The following PABPC4L variants were observed in gnomAD, a reference collection of about 807,000 sequenced individuals.
PABPC4L encodes the protein polyadenylate-binding protein 4-like.
For synonymous variants in PABPC4L, 169 were observed against 164.1 expected (o/e 1.03, Z -0.23); for missense variants, 452 against 451.4 (o/e 1.00, Z -0.01).
the PABPC4L span, among the ~76,000 whole-genome samples, chr4:133,970,057 T>G: frequency 6.9e-6 from 1 of 144,750 alleles, no homozygotes. Context: ...TTATTTAAAA[T>G]ATTTAAAATA....
the PABPC4L span, among the ~76,000 whole-genome samples, chr4:134,058,250 G>C: frequency 6.6e-6 from 1 of 151,922 alleles, no homozygotes; most frequent in Admixed American, 6.6e-5. Flanking sequence ...AATAAATTGA[G>C]AAGAAGAGTA....
chr4:134,098,150 G>A, the PABPC4L span, among the ~76,000 whole-genome samples: 1 of 151,794 alleles, frequency 6.6e-6, no homozygotes, highest in Non-Finnish European at 1.5e-5. Context: ...AATTGGTTAG[G>A]ACAGGAGGCT....
chr4:134,027,544 C>G, the PABPC4L span, among the ~76,000 whole-genome samples: 1 of 152,172 alleles, frequency 6.6e-6, no homozygotes, highest in African/African-American at 2.4e-5. Context: ...AAATATGAGA[C>G]AGCAGAAATC....
the PABPC4L span, among the ~76,000 whole-genome samples, chr4:134,166,429 A>G: frequency 6.6e-6 from 1 of 152,208 alleles, no homozygotes; most frequent in African/African-American, 2.4e-5. Flanking sequence ...CCAGTTCTCA[A>G]AAGAGAAAAT....
At chr4:134,031,147 C>T in the PABPC4L span, among the ~76,000 whole-genome samples, 1 of 151,972 alleles carries the variant, frequency 6.6e-6, no homozygotes, top group African/African-American at 2.4e-5. Flanking sequence ...CCCAGTTCTC[C>T]TAGATATCCA....
At chr4:134,103,569 T>C in the PABPC4L span, among the ~76,000 whole-genome samples, 1 of 151,772 alleles carries the variant, frequency 6.6e-6, no homozygotes, top group African/African-American at 2.4e-5. Context: ...TGACCTCACT[T>C]AAAATGTACT....
chr4:134,062,284 A>C, the PABPC4L span, among the ~76,000 whole-genome samples: 1 of 151,918 alleles, frequency 6.6e-6, no homozygotes, highest in African/African-American at 2.4e-5. Flanking sequence ...GGAGTATATG[A>C]TGATTTTTCA....
At chr4:134,060,674 C>T in the PABPC4L span, among the ~76,000 whole-genome samples, 3 of 151,744 alleles carry the variant, frequency 2.0e-5, no homozygotes, top group African/African-American at 7.3e-5. Flanking sequence ...AAGAGCTGTG[C>T]ACCCTAAATA....
chr4:134,193,914 A>G (rs993743894), downstream of PABPC4L, among the ~76,000 whole-genome samples: 2 of 151,930 alleles, frequency 1.3e-5, no homozygotes, highest in Admixed American at 1.3e-4. Flanking sequence ...ATGTTCTTCT[A>G]TCACTTCCTG....
At chr4:134,087,106 T>C in the PABPC4L span, among the ~76,000 whole-genome samples, 3 of 152,060 alleles carry the variant, frequency 2.0e-5, no homozygotes, top group Non-Finnish European at 4.4e-5. Flanking sequence ...CTATAAATCA[T>C]GCTGCTATAA....
the PABPC4L span, among the ~76,000 whole-genome samples, chr4:133,962,266 A>T: frequency 2.0e-5 from 3 of 152,232 alleles, no homozygotes; most frequent in Admixed American, 6.5e-5. Context: ...CTAGGAATGG[A>T]TCTAAACCAA....
Position 134,196,536 on chromosome 4 carries a change from C to G in PABPC4L, c.*3371G>C, listed in dbSNP as rs1469865287. ...TACATGTAAGCAGGTAACTACACAGCAGACGTGGCAATATGTGTGGAGAGA... is the reference window on the plus strand; with the variant it reads ...TACATGTAAGCAGGTAACTACACAGGAGACGTGGCAATATGTGTGGAGAGA... On this transcript the variant is annotated 3_prime_UTR_variant, in exon 2 of 2. Coordinates refer to ENST00000421491, the MANE Select transcript of PABPC4L (RefSeq NM_001114734.2). 1 of 151,710 alleles carries G rather than the reference C, an allele frequency of 6.6e-6. No individual in the cohort carries two copies. The highest frequency in any genetic ancestry group is 1.5e-5 in the Non-Finnish European group (1 of 67,718). 9.4% of individuals were successfully genotyped at this position (151,710 alleles called of 1,614,324 possible).
At chr4:134,147,141 G>A in the PABPC4L span, among the ~76,000 whole-genome samples, 11 of 152,224 alleles carry the variant, frequency 7.2e-5, no homozygotes, top group African/African-American at 1.9e-4. Context: ...GATTTGGGCT[G>A]TTTATTTCAT....
chr4:134,062,607 T>C, the PABPC4L span, among the ~76,000 whole-genome samples: 1 of 152,110 alleles, frequency 6.6e-6, no homozygotes, highest in Non-Finnish European at 1.5e-5. Flanking sequence ...TTCAAGAGAC[T>C]CCAATTTATA....
At chr4:134,083,342 G>C in the PABPC4L span, among the ~76,000 whole-genome samples, 1 of 151,834 alleles carries the variant, frequency 6.6e-6, no homozygotes, top group African/African-American at 2.4e-5. Context: ...ATCGAGGATT[G>C]GATTATATTT....
chr4:134,015,649 C>T, the PABPC4L span, among the ~76,000 whole-genome samples: 1 of 152,132 alleles, frequency 6.6e-6, no homozygotes, highest in African/African-American at 2.4e-5. Flanking sequence ...GCGTGTCTGA[C>T]TAATCTCCCA....
the PABPC4L span, among the ~76,000 whole-genome samples, chr4:133,981,168 A>G: frequency 6.6e-6 from 1 of 151,882 alleles, no homozygotes. Context: ...TGGGGAAAAA[A>G]AAAAAATAGT....
At chr4:134,036,597 A>T in the PABPC4L span, among the ~76,000 whole-genome samples, 3 of 152,058 alleles carry the variant, frequency 2.0e-5, no homozygotes, top group Non-Finnish European at 4.4e-5. Flanking sequence ...CTAGGTTTTA[A>T]TCTCCATTTT....
the PABPC4L span, among the ~76,000 whole-genome samples, chr4:134,172,376 A>G: frequency 1.3e-5 from 2 of 151,998 alleles, no homozygotes; most frequent in Non-Finnish European, 1.5e-5. Flanking sequence ...CCCTACAAAC[A>G]TGTGATCTTT....
Sources: gnomAD v4.1 joint callset for allele counts (sites outside exome capture counted in the v4.1 genomes callset) on GRCh38, gnomAD v4.1.1 for gene constraint, MANE v1.5 for transcripts, NCBI Gene and HGNC (gene_info 2026-07-23, HGNC 2026-07-21) for gene names.